Variants in COMMD6 observed in about 807,000 individuals in gnomAD.
The protein encoded by COMMD6 is COMM domain-containing protein 6.
In COMMD6, 11 loss-of-function variants were observed where a neutral mutation model predicts 13.4. The ratio of observed to expected loss-of-function variants is 0.82; its 90% confidence interval spans 0.52 to 1.36. The LOEUF is 1.36. COMMD6 is among the 40% of genes most tolerant of loss of function. COMMD6 has a pLI of 0.00. For missense variants in COMMD6, 124 were observed against 102.4 expected (o/e 1.21, Z -0.91); for synonymous variants, 43 against 36.5 (o/e 1.18, Z -0.64).
intron 1 of COMMD6, among the ~76,000 whole-genome samples, chr13:75,548,182 C>T (rs977380967): frequency 2.4e-4 from 36 of 152,214 alleles, no homozygotes; most frequent in African/African-American, 8.2e-4. Flanking sequence ...TGCACTGAGT[C>T]CAGCAGAGAC....
chr13:75,526,709 A>G (rs941096813), intron 3 of COMMD6, 70 bp from the exon 4 acceptor site: 14 of 1,038,220 alleles, frequency 1.3e-5, no homozygotes, highest in Non-Finnish European at 1.9e-5. Context: ...TTTTAATTAT[A>G]TCTGACTACC....
chr13:75,532,597 C>T (rs990062673), intron 2 of COMMD6, among the ~76,000 whole-genome samples: 5 of 151,900 alleles, frequency 3.3e-5, no homozygotes, highest in Admixed American at 3.3e-4. Context: ...TTTGGGAGGC[C>T]GAGGTGGGCG....
chr13:75,542,357 T>G (rs2030839610), upstream of COMMD6, among the ~76,000 whole-genome samples: 1 of 151,592 alleles, frequency 6.6e-6, no homozygotes, highest in East Asian at 1.9e-4. Context: ...TGGTGCGTTC[T>G]CAGCTTACTG....
At chr13:75,542,925 A>G (rs1235436336), upstream of COMMD6, among the ~76,000 whole-genome samples, 1 of 152,252 alleles carries the variant, frequency 6.6e-6, no homozygotes, top group Non-Finnish European at 1.5e-5. Context: ...AAAGACATGG[A>G]ATCAACCTAG....
chr13:75,536,982 T>C (rs931853101), intron 2 of COMMD6, among the ~76,000 whole-genome samples: 1 of 152,166 alleles, frequency 6.6e-6, no homozygotes, highest in Non-Finnish European at 1.5e-5. Context: ...GAAAGCAAGA[T>C]CAGTTAGAGA....
chr13:75,534,281 G>GA (rs1269357010), intron 2 of COMMD6, among the ~76,000 whole-genome samples: 1 of 152,160 alleles, frequency 6.6e-6, no homozygotes, highest in Non-Finnish European at 1.5e-5. Context: ...GAAAAGCAAT[G>GA]AAGGCGTGCA....
At chr13:75,538,889 G>A (rs2030771620), upstream of COMMD6, 1 of 152,218 alleles carries the variant, frequency 6.6e-6, no homozygotes, top group South Asian at 2.1e-4. Context: ...GGGGTGGTGG[G>A]GTTTGGGTGG....
At chr13:75,548,270 CA>C (rs1593964798) in intron 1 of COMMD6, among the ~76,000 whole-genome samples, 1 of 152,196 alleles carries the variant, frequency 6.6e-6, no homozygotes, top group East Asian at 1.9e-4. Context: ...TTTACCAAGC[CA>C]AAGTGTTAGG....
rs1410733175 is a variant in COMMD6, at chr13:75,525,250, C to G, written c.*1339G>C. On this transcript the variant is annotated 3_prime_UTR_variant, in exon 4 of 4. Transcript: ENST00000682242. ...TTAAATTTATTTCAAATCTGCTACC[C>G]ACAGTGTTTGAGCCAGGGCCTAACT... 4 of 152,114 alleles carry G rather than the reference C, an allele frequency of 2.6e-5. No individual in the cohort carries two copies. Among genetic ancestry groups the G allele is most frequent in the African/African-American group, 9.7e-5 (4 of 41,388 alleles). The allele number at this position is 152,114 out of a possible 1,614,324, so 9.4% of individuals were successfully genotyped here. A position where few individuals can be genotyped will look rare whatever the true frequency, so the allele number is the denominator to read the frequency against.
intron 1 of COMMD6, among the ~76,000 whole-genome samples, chr13:75,546,405 G>A (rs1309368862): frequency 6.6e-6 from 1 of 152,170 alleles, no homozygotes; most frequent in Non-Finnish European, 1.5e-5. Context: ...TTCAGTTTAA[G>A]GTTGGAGAAA....
intron 3 of COMMD6, chr13:75,527,726 ATT>A (rs2138409244): frequency 8.0e-7 from 1 of 1,252,146 alleles, no homozygotes; most frequent in Admixed American, 4.0e-5. Context: ...CCTGGAGGAC[ATT>A]GTGCAAAGTG....
chr13:75,528,785 T>G (rs2030358108), intron 3 of COMMD6, among the ~76,000 whole-genome samples: 1 of 150,574 alleles, frequency 6.6e-6, no homozygotes, highest in Non-Finnish European at 1.5e-5. Flanking sequence ...GAGGTTGCAG[T>G]GAGCCTAGAT....
At chr13:75,532,105 T>C (rs1046557330) in intron 2 of COMMD6, among the ~76,000 whole-genome samples, 1 of 152,220 alleles carries the variant, frequency 6.6e-6, no homozygotes, top group African/African-American at 2.4e-5. Flanking sequence ...ATAAAGAGAA[T>C]ATGCCTATCC....
intron 2 of COMMD6, among the ~76,000 whole-genome samples, chr13:75,531,559 T>C (rs183243506): frequency 2.6e-5 from 4 of 152,304 alleles, no homozygotes; most frequent in Admixed American, 6.5e-5. Flanking sequence ...AAGTTCTCCA[T>C]ATAAAAATAG....
intron 3 of COMMD6, 86 bp from the exon 4 acceptor site, chr13:75,526,725 CTA>C (rs1453025604): frequency 1.2e-6 from 1 of 832,398 alleles, no homozygotes; most frequent in African/African-American, 1.7e-5. Context: ...CTACCGGAGA[CTA>C]TATAACATAT....
intron 1 of COMMD6, among the ~76,000 whole-genome samples, chr13:75,548,720 C>T (rs2030961406): frequency 6.6e-6 from 1 of 152,178 alleles, no homozygotes. Context: ...TTCTATGTAT[C>T]ATGCACTGGG....
At chr13:75,540,332 A>ACACACACACCCC, upstream of COMMD6, among the ~76,000 whole-genome samples, 1 of 113,690 alleles carries the variant, frequency 8.8e-6, no homozygotes, top group Admixed American at 1.0e-4. Flanking sequence ...AAATACACAC[A>ACACACACACCCC]CACACACACA....
intron 3 of COMMD6, among the ~76,000 whole-genome samples, chr13:75,529,500 A>G (rs568117319): frequency 7.6e-4 from 113 of 147,958 alleles, no homozygotes; most frequent in African/African-American, 2.2e-3. Context: ...CAGCCTGGGC[A>G]ACAGAGCGAG....
intron 2 of COMMD6, among the ~76,000 whole-genome samples, chr13:75,536,780 A>G (rs2030677732): frequency 6.6e-6 from 1 of 152,262 alleles, no homozygotes; most frequent in Admixed American, 6.5e-5. Context: ...TAAGCCAAAA[A>G]GAGTTCAACT....
Sources: allele counts gnomAD v4.1 joint callset (sites outside exome capture counted in the v4.1 genomes callset), GRCh38; gene constraint gnomAD v4.1.1; transcripts MANE v1.5; gene names NCBI Gene and HGNC (gene_info 2026-07-23, HGNC 2026-07-21).